DLC1: variants seen among roughly 807,000 people sequenced by gnomAD.
DLC1 encodes DLC1 Rho GTPase activating protein, also known as rho GTPase-activating protein 7.
Under a neutral mutation model 140.3 loss-of-function variants are expected in DLC1, and 54 were observed. That is an observed-to-expected ratio of 0.38 (90% confidence interval 0.31 to 0.48). The LOEUF (loss-of-function observed/expected upper bound fraction) is 0.48. DLC1 is among the 20% of genes least tolerant of loss of function. The probability of loss-of-function intolerance (pLI) is 0.96; values close to 1 mark genes in which losing one functional copy is unlikely to be tolerated. For synonymous variants in DLC1, 986 were observed against 728.1 expected (o/e 1.35, Z -5.70); for missense variants, 2,536 against 1,907.0 (o/e 1.33, Z -6.14).
At chr8:13,327,615 G>T (rs74892141) in intron 4 of DLC1, among the ~76,000 whole-genome samples, 8,526 of 151,974 alleles carry the variant, frequency 0.056, 299 homozygotes, top group South Asian at 0.13. Flanking sequence ...ACTGTCCCCA[G>T]CTGAAACCTA....
chr8:13,194,878 C>T (rs1826958790), intron 5 of DLC1, among the ~76,000 whole-genome samples: 1 of 152,052 alleles, frequency 6.6e-6, no homozygotes, highest in South Asian at 2.1e-4. Flanking sequence ...GGTGTGGTGG[C>T]ATGCGCCTGT....
At chr8:13,503,207 C>T (rs1801899612) in intron 1 of DLC1, among the ~76,000 whole-genome samples, 1 of 152,014 alleles carries the variant, frequency 6.6e-6, no homozygotes, top group African/African-American at 2.4e-5. Context: ...AGTTTCAGAC[C>T]AGCCTGGGTA....
chr8:13,299,207 C>A (rs1311096525), intron 5 of DLC1, among the ~76,000 whole-genome samples: 1 of 151,812 alleles, frequency 6.6e-6, no homozygotes, highest in African/African-American at 2.4e-5. Context: ...CTTTGGGAGG[C>A]CAAGGCGGGT....
chr8:13,559,100 C>T (rs1804154714), intron 1 of DLC1: 2 of 152,228 alleles, frequency 1.3e-5, no homozygotes, highest in African/African-American at 4.8e-5. Flanking sequence ...CAAAAGCTCA[C>T]ATTGTGAGAT....
rs117910789 is a variant in DLC1 at position 13,106,498 on chromosome 8, C to T, written c.1503-3645G>A. Reference sequence around the variant, plus strand: ...AAGTAGCTGGGACTACAGGTATGCACCATCATGCCTGGCTAATTTTTGTTC... The same window carrying T: ...AAGTAGCTGGGACTACAGGTATGCATCATCATGCCTGGCTAATTTTTGTTC... On this transcript the variant is annotated intron_variant, in intron 7 of 17. Coordinates refer to ENST00000276297, the MANE Select transcript of DLC1 (RefSeq NM_182643.3). Among the ~76,000 whole-genome samples, 1,025 of 152,260 alleles carry T rather than the reference C, an allele frequency of 6.7e-3. 16 individuals carry two copies. The highest frequency in any genetic ancestry group is 0.046 in the East Asian group (236 of 5,174).
intron 4 of DLC1, among the ~76,000 whole-genome samples, chr8:13,331,688 AT>A (rs1329656597): frequency 6.6e-6 from 1 of 152,124 alleles, no homozygotes; most frequent in East Asian, 1.9e-4. Context: ...AAAAAAAAAA[AT>A]CCCCACCAAA....
chr8:13,217,837 C>CA (rs1305039877), intron 5 of DLC1, among the ~76,000 whole-genome samples: 211 of 140,910 alleles, frequency 1.5e-3, no homozygotes, highest in African/African-American at 2.7e-3. Flanking sequence ...GACTCCATTT[C>CA]AAAAAAAAAA....
chr8:13,536,364 T>A (rs1803284644), intron 1 of DLC1, among the ~76,000 whole-genome samples: 1 of 152,150 alleles, frequency 6.6e-6, no homozygotes, highest in Admixed American at 6.6e-5. Flanking sequence ...ATCATGGAGC[T>A]GAATTACAGA....
chr8:13,108,362 T>C (rs1250348087), intron 7 of DLC1, among the ~76,000 whole-genome samples: 1 of 152,190 alleles, frequency 6.6e-6, no homozygotes, highest in Non-Finnish European at 1.5e-5. Flanking sequence ...TATAAGATGT[T>C]ATTCTATGCA....
intron 5 of DLC1, among the ~76,000 whole-genome samples, chr8:13,300,463 T>TA (rs1586094396): frequency 6.6e-6 from 1 of 152,158 alleles, no homozygotes; most frequent in Admixed American, 6.5e-5. Flanking sequence ...ACATTGAACT[T>TA]AAAAACAAAC....
intron 5 of DLC1, among the ~76,000 whole-genome samples, chr8:13,158,936 G>A (rs980477149): frequency 1.3e-5 from 2 of 152,058 alleles, no homozygotes; most frequent in Non-Finnish European, 2.9e-5. Context: ...AGGGATGAGT[G>A]CCCTGAGCCC....
At chr8:13,159,548 A>G (rs1193019006) in intron 5 of DLC1, among the ~76,000 whole-genome samples, 1 of 152,122 alleles carries the variant, frequency 6.6e-6, no homozygotes, top group African/African-American at 2.4e-5. Context: ...TTTGTTTACT[A>G]TTGTGAAACC....
At chr8:13,488,679 C>G (rs1801088718) in intron 2 of DLC1, among the ~76,000 whole-genome samples, 1 of 152,202 alleles carries the variant, frequency 6.6e-6, no homozygotes, top group South Asian at 2.1e-4. Context: ...TTCTGGCGAT[C>G]TGAATACTTT....
At chr8:13,257,439 GAAAAAA>G (rs34452124) in intron 5 of DLC1, among the ~76,000 whole-genome samples, 2 of 104,468 alleles carry the variant, frequency 1.9e-5, no homozygotes, top group Admixed American at 1.0e-4. Flanking sequence ...CCTGTCTCAG[GAAAAAA>G]AAAAAAAAAA....
intron 2 of DLC1, among the ~76,000 whole-genome samples, chr8:13,487,266 T>A (rs1175831227): frequency 6.6e-6 from 1 of 152,210 alleles, no homozygotes; most frequent in African/African-American, 2.4e-5. Flanking sequence ...TGGACATCCA[T>A]AATATTTTTG....
chr8:13,480,401 A>C (rs1453522591), intron 2 of DLC1, among the ~76,000 whole-genome samples: 1 of 152,182 alleles, frequency 6.6e-6, no homozygotes, highest in Admixed American at 6.5e-5. Context: ...AAAGAACGTA[A>C]AAGAAAATCT....
intron 1 of DLC1, among the ~76,000 whole-genome samples, chr8:13,563,509 C>T (rs572815308): frequency 3.9e-5 from 6 of 152,218 alleles, no homozygotes; most frequent in East Asian, 1.9e-4. Flanking sequence ...CTCCTCACAG[C>T]GAGATTCCTG....
At chr8:13,587,649 T>TG (rs1805377186) in intron 1 of DLC1, among the ~76,000 whole-genome samples, 2 of 149,354 alleles carry the variant, frequency 1.3e-5, no homozygotes, top group East Asian at 3.9e-4. Context: ...TATATGTATG[T>TG]TTATATAGGC....
intron 1 of DLC1, among the ~76,000 whole-genome samples, chr8:13,542,355 C>G (rs561838464): frequency 3.9e-5 from 6 of 152,174 alleles, no homozygotes; most frequent in Non-Finnish European, 7.3e-5. Context: ...ATTAAATTGA[C>G]CATATGCGTA....
Sources: allele counts gnomAD v4.1 joint callset (sites outside exome capture counted in the v4.1 genomes callset), GRCh38; gene constraint gnomAD v4.1.1; transcripts MANE v1.5; gene names NCBI Gene and HGNC (gene_info 2026-07-23, HGNC 2026-07-21).